Variants in ZNF143 observed in about 807,000 individuals in gnomAD.
ZNF143 encodes the protein zinc finger protein 143, also known as SPH-binding factor.
ZNF143 carries 49 observed loss-of-function variants against 74.1 expected under a neutral mutation model. The observed-to-expected ratio is 0.66, with a 90% CI of 0.53 to 0.84. The LOEUF is 0.84. Among genes scored for constraint, ZNF143 ranks in the 40% least tolerant of loss-of-function variants. ZNF143 has a pLI of 0.00. For synonymous variants in ZNF143, 304 were observed against 282.8 expected (o/e 1.07, Z -0.75); for missense variants, 637 against 793.4 (o/e 0.80, Z 2.37).
intron 1 of ZNF143, among the ~76,000 whole-genome samples, chr11:9,468,402 C>G (rs1856372136): frequency 6.6e-6 from 1 of 152,166 alleles, no homozygotes; most frequent in Non-Finnish European, 1.5e-5. Context: ...TCTGTTGTCA[C>G]TTCAAAGGTA....
At chr11:9,525,194 G>T in intron 14 of ZNF143, 46 bp from the exon 15 acceptor site, 4 of 1,606,206 alleles carry the variant, frequency 2.5e-6, no homozygotes, top group South Asian at 1.1e-5. Context: ...TATTTAAATC[G>T]CAGGTTTAAT....
chr11:9,512,198 A>G (rs1848575200), intron 12 of ZNF143, among the ~76,000 whole-genome samples: 1 of 152,216 alleles, frequency 6.6e-6, no homozygotes, highest in African/African-American at 2.4e-5. Flanking sequence ...AGAATAAAAC[A>G]GGTCCCTGAA....
At chr11:9,498,924 A>G (rs1020219289) in intron 10 of ZNF143, among the ~76,000 whole-genome samples, 1 of 152,232 alleles carries the variant, frequency 6.6e-6, no homozygotes, top group African/African-American at 2.4e-5. Context: ...ATTGAGGAAC[A>G]GAGCTGTAGG....
At chr11:9,497,115 T>C (rs1297976014) in intron 9 of ZNF143, among the ~76,000 whole-genome samples, 2 of 152,208 alleles carry the variant, frequency 1.3e-5, no homozygotes, top group African/African-American at 2.4e-5. Context: ...TCTTGGGGTA[T>C]GAGAACAACT....
chr11:9,469,887 A>G (rs1201004717), intron 1 of ZNF143, among the ~76,000 whole-genome samples: 1 of 152,192 alleles, frequency 6.6e-6, no homozygotes, highest in Admixed American at 6.5e-5. Flanking sequence ...CTTTTTGTGT[A>G]TCTGAACAGT....
chr11:9,480,731 C>CA (rs1209850094), intron 7 of ZNF143, among the ~76,000 whole-genome samples: 4 of 151,724 alleles, frequency 2.6e-5, no homozygotes, highest in South Asian at 2.1e-4. Context: ...ACTAAAAATA[C>CA]AAAAAATTAG....
chr11:9,492,415 A>G (rs1450167949), intron 7 of ZNF143, among the ~76,000 whole-genome samples: 1 of 150,380 alleles, frequency 6.6e-6, no homozygotes, highest in Non-Finnish European at 1.5e-5. Flanking sequence ...ACCCAGCCCT[A>G]ATTTTGTATT....
At chr11:9,471,500 C>G in intron 2 of ZNF143, 80 bp downstream of exon 2, 2 of 1,035,890 alleles carry the variant, frequency 1.9e-6, no homozygotes, top group Non-Finnish European at 2.7e-6. Context: ...TTCCTAGTTC[C>G]TGATTTAGCA....
intron 11 of ZNF143, 41 bp from the exon 12 acceptor site, chr11:9,508,578 C>T: frequency 1.3e-6 from 2 of 1,584,564 alleles, no homozygotes; most frequent in Non-Finnish European, 1.7e-6. Flanking sequence ...ATTTTGCCTA[C>T]ATATGTAAAA....
At chr11:9,490,302 T>TG (rs919431653) in intron 7 of ZNF143, among the ~76,000 whole-genome samples, 7 of 148,994 alleles carry the variant, frequency 4.7e-5, no homozygotes, top group African/African-American at 1.7e-4. Context: ...TGCTTTTTTT[T>TG]TTTTTTGAGA....
At chr11:9,500,536 C>T (rs766099737) in intron 10 of ZNF143, among the ~76,000 whole-genome samples, 12 of 151,724 alleles carry the variant, frequency 7.9e-5, no homozygotes, top group Non-Finnish European at 5.9e-5. Context: ...TGAGTTCAAG[C>T]GATTCTCCCG....
chr11:9,473,377 G>A (rs1278993711), intron 3 of ZNF143, among the ~76,000 whole-genome samples: 1 of 136,780 alleles, frequency 7.3e-6, no homozygotes, highest in African/African-American at 2.8e-5. Context: ...GGCAACTAGA[G>A]CAAAACTCTG....
intron 9 of ZNF143, among the ~76,000 whole-genome samples, chr11:9,497,102 A>G (rs1373183615): frequency 1.3e-5 from 2 of 152,176 alleles, no homozygotes; most frequent in East Asian, 3.8e-4. Context: ...TTCCACTTTG[A>G]GCTCTTGGGG....
chr11:9,491,430 T>A (rs1589899386), intron 7 of ZNF143, among the ~76,000 whole-genome samples: 1 of 150,260 alleles, frequency 6.7e-6, no homozygotes, highest in Non-Finnish European at 1.5e-5. Context: ...AGGTCAGGAG[T>A]TCAAGACCAT....
At chr11:9,498,265 C>T (rs1848039824) in intron 10 of ZNF143, among the ~76,000 whole-genome samples, 1 of 152,224 alleles carries the variant, frequency 6.6e-6, no homozygotes, top group Non-Finnish European at 1.5e-5. Context: ...TGCTGCTTTT[C>T]AGGGTGAGGG....
intron 7 of ZNF143, among the ~76,000 whole-genome samples, chr11:9,487,027 C>T (rs1466208285): frequency 7.7e-6 from 1 of 130,154 alleles, no homozygotes; most frequent in African/African-American, 3.1e-5. Context: ...AGTGCAATGG[C>T]GTGATCTTGG....
chr11:9,466,749 A>G (rs1425488146), intron 1 of ZNF143, among the ~76,000 whole-genome samples: 1 of 151,974 alleles, frequency 6.6e-6, no homozygotes, highest in Non-Finnish European at 1.5e-5. Context: ...CCTGCAAGGA[A>G]AATTTTAATG....
chr11:9,469,248 C>T (rs563025921), intron 1 of ZNF143, among the ~76,000 whole-genome samples: 2 of 145,056 alleles, frequency 1.4e-5, no homozygotes, highest in Non-Finnish European at 3.0e-5. Flanking sequence ...TACCACCCCC[C>T]CATACGGAGT....
At chr11:9,512,299 G>T (rs1039351864) in intron 12 of ZNF143, 149 bp from the exon 13 acceptor site, 3 of 926,468 alleles carry the variant, frequency 3.2e-6, no homozygotes, top group Admixed American at 5.5e-5. Flanking sequence ...TGGAGGAATT[G>T]GAAGGAGGTC....
Sources: allele counts gnomAD v4.1 joint callset (sites outside exome capture counted in the v4.1 genomes callset), GRCh38; gene constraint gnomAD v4.1.1; transcripts MANE v1.5; gene names NCBI Gene and HGNC (gene_info 2026-07-23, HGNC 2026-07-21).